RCOR3: variants seen among roughly 807,000 people sequenced by gnomAD.
The protein encoded by RCOR3 is REST corepressor 3.
In RCOR3, 13 loss-of-function variants were observed where a neutral mutation model predicts 64.1. The ratio of observed to expected loss-of-function variants is 0.20; its 90% CI spans 0.13 to 0.32. The LOEUF (loss-of-function observed/expected upper bound fraction) is 0.32. Ranked by LOEUF, RCOR3 falls within the 10% of genes least tolerant of loss-of-function variation. The probability of loss-of-function intolerance (pLI) is 1.00; values close to 1 mark genes in which losing one functional copy is unlikely to be tolerated. For missense variants in RCOR3, 489 were observed against 701.2 expected (o/e 0.70, Z 3.42); for synonymous variants, 215 against 239.0 (o/e 0.90, Z 0.93).
intron 9 of RCOR3, among the ~76,000 whole-genome samples, chr1:211,296,491 T>A (rs992673885): frequency 4.6e-5 from 7 of 152,102 alleles, no homozygotes; most frequent in African/African-American, 1.4e-4. Flanking sequence ...TATTGGGACT[T>A]TTTTTCCCCA....
chr1:211,294,868 C>T (rs556520371), intron 8 of RCOR3, among the ~76,000 whole-genome samples: 3 of 151,956 alleles, frequency 2.0e-5, no homozygotes, highest in Non-Finnish European at 4.4e-5. Flanking sequence ...GGATTACAGG[C>T]GTGAGCCACC....
intron 8 of RCOR3, among the ~76,000 whole-genome samples, chr1:211,292,092 T>C (rs1699307098): frequency 6.6e-6 from 1 of 152,200 alleles, no homozygotes; most frequent in African/African-American, 2.4e-5. Context: ...AAATCACTTA[T>C]GAACAAGTGG....
chr1:211,274,128 T>C (rs1348815218), intron 3 of RCOR3, 82 bp from the exon 4 acceptor site: 6 of 916,278 alleles, frequency 6.5e-6, no homozygotes, highest in Admixed American at 5.3e-5. Flanking sequence ...ATTGTTTTAA[T>C]TTGCTATGTT....
At chr1:211,267,890 G>C (rs1019803393) in intron 2 of RCOR3, 19 of 374,804 alleles carry the variant, frequency 5.1e-5, no homozygotes, top group Middle Eastern at 4.1e-4. Flanking sequence ...ACTGCACCCA[G>C]CCTGTAGCTG....
intron 2 of RCOR3, chr1:211,267,752 C>T: frequency 3.3e-6 from 1 of 302,676 alleles, no homozygotes; most frequent in South Asian, 2.5e-5. Flanking sequence ...CGATCACATC[C>T]AGCTAATTTT....
intron 9 of RCOR3, among the ~76,000 whole-genome samples, chr1:211,299,293 AAT>A (rs528519007): frequency 6.6e-6 from 1 of 152,168 alleles, no homozygotes; most frequent in African/African-American, 2.4e-5. Context: ...GTAGAAAATT[AAT>A]ATGTCTCCTT....
At chr1:211,270,631 T>C (rs1047478951) in intron 2 of RCOR3, among the ~76,000 whole-genome samples, 31 of 152,230 alleles carry the variant, frequency 2.0e-4, no homozygotes, top group African/African-American at 6.0e-4. Context: ...TGTATGGAAG[T>C]TTAAATCAGA....
chr1:211,313,040 TC>T lies in RCOR3; in HGVS notation c.1317+80del. 1.9e-6 allele frequency: 3 copies of T among 1,600,448 alleles called. No homozygotes were observed. The highest frequency in any genetic ancestry group is 2.6e-6 in the Non-Finnish European group (3 of 1,172,316). ...TGTGGTATTCTGTAAGGTTAATTTG[TC>T]AAGAGGACTAGCTAAATTGAGCATG... is the stretch of plus-strand genomic sequence containing the variant. On this transcript the variant is annotated intron_variant, in intron 11 of 11. Transcript: ENST00000419091. This position sits in a 1 kb window ranked among gnomAD's most constrained non-coding sequence, Gnocchi z 4.7.
chr1:211,274,363 C>G (rs952372915), intron 4 of RCOR3, 101 bp downstream of exon 4: 2 of 740,822 alleles, frequency 2.7e-6, no homozygotes, highest in African/African-American at 3.6e-5. Flanking sequence ...ATAAGCTTGA[C>G]CAGCTATTTT....
intron 7 of RCOR3, among the ~76,000 whole-genome samples, chr1:211,286,071 C>T (rs1424163271): frequency 6.6e-6 from 1 of 152,100 alleles, no homozygotes; most frequent in African/African-American, 2.4e-5. Flanking sequence ...AAGTATGTGT[C>T]TTATAAGGAG....
At chr1:211,270,741 TA>T (rs1269106624) in intron 2 of RCOR3, among the ~76,000 whole-genome samples, 2 of 152,244 alleles carry the variant, frequency 1.3e-5, no homozygotes, top group African/African-American at 4.8e-5. Context: ...CCTTAGTTTT[TA>T]TAAGCAAAAT....
In RCOR3 at chr1:211,312,870, A is replaced by T. The variant is rs1480405496; in HGVS notation, c.1226A>T (p.Gln409Leu). 1 of 1,614,214 alleles carries T rather than the reference A, an allele frequency of 6.2e-7. No homozygotes were observed. The highest frequency in any genetic ancestry group is 8.5e-7 in the Non-Finnish European group (1 of 1,180,026). ...GAGTGGGAAGCAGAACAAGGAACCC[A>T]GGCTTCTAATGGTGATGCTTCTACT... ...LQEWEAEQGT[Q>L]ASNGDASTLG... Residue 409 changes from glutamine to leucine, a missense_variant, in exon 11 of 12, where the codon CAG becomes CTG. This residue lies in a region of RCOR3 where 402 missense variants were observed against 617.0 expected (regional missense o/e 0.65). Transcript: ENST00000419091. The surrounding 1 kb of genome is among the most constrained non-coding windows in gnomAD (Gnocchi z 5.0).
rs530306761 is a variant in RCOR3 at position 211,305,914 on chromosome 1, G to C, written c.1075+1774G>C. On this transcript the variant is annotated intron_variant, in intron 10 of 11. Transcript: ENST00000419091. ...TTTCCTCTGTACTGAGGTATATTCA[G>C]TATTATACTATGTACATTTAAAAAG... Among the ~76,000 whole-genome samples the C allele has an allele frequency of 2.5e-4, 38 of 152,222 alleles. 1 individual carries two copies. Among genetic ancestry groups the C allele is most frequent in the African/African-American group, 8.9e-4 (37 of 41,528 alleles).
chr1:211,270,802 TCTTTA>T (rs1421569616), intron 2 of RCOR3, among the ~76,000 whole-genome samples: 16 of 66,870 alleles, frequency 2.4e-4, no homozygotes, highest in African/African-American at 7.6e-4. Flanking sequence ...TCCTATATTT[TCTTTA>T]CTTGTCCTCC....
intron 1 of RCOR3, 69 bp from the exon 2 acceptor site, chr1:211,260,039 T>C (rs1693944180): frequency 6.8e-7 from 1 of 1,480,430 alleles, no homozygotes; most frequent in South Asian, 1.4e-5. Context: ...ATTTTTTAAG[T>C]GTCTCTTCCT....
chr1:211,286,618 A>G (rs1046060405), intron 7 of RCOR3, among the ~76,000 whole-genome samples: 2 of 152,018 alleles, frequency 1.3e-5, no homozygotes, highest in African/African-American at 2.4e-5. Flanking sequence ...GGATGTTTCT[A>G]TATTTCTATT....
At chr1:211,288,824 A>G (rs1280772886) in intron 7 of RCOR3, among the ~76,000 whole-genome samples, 5 of 152,042 alleles carry the variant, frequency 3.3e-5, no homozygotes, top group African/African-American at 1.2e-4. Flanking sequence ...TTTGCATTTA[A>G]TAAGGTGGCT....
At chr1:211,264,377 G>A (rs1694852597) in intron 2 of RCOR3, among the ~76,000 whole-genome samples, 1 of 152,138 alleles carries the variant, frequency 6.6e-6, no homozygotes, top group African/African-American at 2.4e-5. Flanking sequence ...GATGATAAGA[G>A]TTAAGCAGGT....
At position 211,313,481 on chromosome 1, in the gene RCOR3, A is replaced by G. The variant is rs1296117259; in HGVS notation, c.1375A>G (p.Thr459Ala). Residue 459 changes from threonine (T) to alanine (A), a missense_variant, in exon 12 of 12, where the codon ACT becomes GCT. Transcript: ENST00000419091. The surrounding 1 kb of genome is among the most constrained non-coding windows in gnomAD (Gnocchi z 4.7). ...TCCATCACCTCCTGCCCCATCATCC[A>G]CTCCAACACCAACAGCCCCTATTGC... ...LGPSPPAPSS[T>A]PTPTAPIATL... 6.8e-6 allele frequency: 11 copies of G among 1,613,428 alleles called. No individual in the cohort carries two copies. Among genetic ancestry groups the G allele is most frequent in the Non-Finnish European group, 9.3e-6 (11 of 1,179,858 alleles).
Sources: gnomAD v4.1 joint callset for allele counts (sites outside exome capture counted in the v4.1 genomes callset) on GRCh38, gnomAD v4.1.1 for gene constraint, gnomAD v4.1.1 regional missense constraint, Gnocchi (gnomAD v3.1) non-coding constraint, MANE v1.5 for transcripts, NCBI Gene and HGNC (gene_info 2026-07-23, HGNC 2026-07-21) for gene names.